Variants in USP28 observed in about 807,000 individuals in gnomAD.
The protein encoded by USP28 is ubiquitin specific peptidase 28, also known as ubiquitin carboxyl-terminal hydrolase 28.
In USP28, 113 loss-of-function variants were observed where a neutral mutation model predicts 145.0. The observed-to-expected ratio is 0.78, with a 90% confidence interval of 0.67 to 0.91. USP28 has a LOEUF of 0.91. Ranked by LOEUF, USP28 falls within the 40% of genes least tolerant of loss-of-function variation. USP28 has a pLI of 0.00. For missense variants in USP28, 1,201 were observed against 1,289.6 expected, an observed-to-expected ratio of 0.93 and a Z score of 1.05; for synonymous variants, 447 against 450.9, an observed-to-expected ratio of 0.99 and a Z score of 0.11.
intron 5 of USP28, among the ~76,000 whole-genome samples, chr11:113,837,758 G>A (rs1944732499): frequency 6.6e-6 from 1 of 152,148 alleles, no homozygotes; most frequent in Non-Finnish European, 1.5e-5. Context: ...CCATGTAAGA[G>A]GTTCAAAGTG....
At chr11:113,860,390 G>C (rs953919218) in intron 1 of USP28, among the ~76,000 whole-genome samples, 9 of 148,394 alleles carry the variant, frequency 6.1e-5, no homozygotes, top group Non-Finnish European at 1.3e-4. Context: ...TCCTTCCAAA[G>C]CTAAAGATCT....
At chr11:113,808,761 G>A (rs960645014) in intron 17 of USP28, among the ~76,000 whole-genome samples, 4 of 152,160 alleles carry the variant, frequency 2.6e-5, no homozygotes, top group African/African-American at 9.7e-5. Context: ...TTGGAGAATG[G>A]TTTTCATAAA....
At chr11:113,803,052 T>TACA in intron 23 of USP28, 106 bp downstream of exon 24, 2 of 1,296,600 alleles carry the variant, frequency 1.5e-6, no homozygotes, top group Non-Finnish European at 2.0e-6. Flanking sequence ...GGGGGAAATC[T>TACA]ACAACCTGTT....
At chr11:113,840,500 T>C (rs1945077953) in intron 5 of USP28, 98 bp downstream of exon 5, 1 of 1,424,162 alleles carries the variant, frequency 7.0e-7, no homozygotes, top group Non-Finnish European at 9.4e-7. Flanking sequence ...ATTTTAAATA[T>C]CTATTTTAAT....
chr11:113,850,143 A>T (rs560108096), intron 3 of USP28, among the ~76,000 whole-genome samples: 6 of 152,204 alleles, frequency 3.9e-5, no homozygotes, highest in Non-Finnish European at 1.5e-5. Flanking sequence ...GGTTACTCTC[A>T]AGCCCTGTTA....
chr11:113,824,836 C>A (rs1296411688), intron 11 of USP28, among the ~76,000 whole-genome samples: 1 of 150,074 alleles, frequency 6.7e-6, no homozygotes, highest in Non-Finnish European at 1.5e-5. Context: ...GAGGCTGAGG[C>A]AGGAGAATCA....
At chr11:113,833,375 T>C (rs1944229033) in intron 7 of USP28, 45 bp downstream of exon 7, 1 of 1,600,538 alleles carries the variant, frequency 6.2e-7, no homozygotes, top group South Asian at 1.1e-5. Flanking sequence ...GCATTAACAC[T>C]GACAAGGCAT....
chr11:113,875,468 C>T, exon 1 of USP28: 1 of 1,236,694 alleles, frequency 8.1e-7, no homozygotes, highest in Non-Finnish European at 1.0e-6. Context: ...TCTGCCGCGC[C>T]GGCCGCGTCG....
At chr11:113,843,910 G>A (rs547707817) in intron 3 of USP28, among the ~76,000 whole-genome samples, 6 of 152,036 alleles carry the variant, frequency 3.9e-5, no homozygotes, top group Non-Finnish European at 7.4e-5. Flanking sequence ...TGTGACAACT[G>A]AACACCACAT....
chr11:113,862,605 G>C (rs555292953), intron 1 of USP28, among the ~76,000 whole-genome samples: 55 of 152,324 alleles, frequency 3.6e-4, no homozygotes, highest in African/African-American at 1.3e-3. Flanking sequence ...ACTGTGACGA[G>C]AGAGGCAGGA....
At chr11:113,806,608 C>CA in intron 18 of USP28, 24 bp from the exon 20 acceptor site, 1 of 1,494,114 alleles carries the variant, frequency 6.7e-7, no homozygotes. Context: ...GCACAAAACA[C>CA]AGAGAGAAAG....
chr11:113,858,368 T>C (rs1314235147), intron 1 of USP28, among the ~76,000 whole-genome samples: 3 of 152,204 alleles, frequency 2.0e-5, no homozygotes, highest in Admixed American at 6.5e-5. Context: ...CTCTCATGCA[T>C]AGACTGTTGC....
chr11:113,830,555 A>G (rs906478556), intron 9 of USP28, among the ~76,000 whole-genome samples: 8 of 152,240 alleles, frequency 5.3e-5, no homozygotes, highest in African/African-American at 1.4e-4. Flanking sequence ...ATTAAGTATT[A>G]TATTAGAATA....
chr11:113,807,032 G>A (rs557834192), intron 18 of USP28, among the ~76,000 whole-genome samples: 17 of 151,700 alleles, frequency 1.1e-4, no homozygotes, highest in South Asian at 2.1e-4. Context: ...GGAAACTAGC[G>A]ACTATACAAA....
intron 1 of USP28, among the ~76,000 whole-genome samples, chr11:113,871,047 G>C (rs939174420): frequency 2.0e-5 from 3 of 152,240 alleles, no homozygotes; most frequent in Non-Finnish European, 4.4e-5. Flanking sequence ...TCAAAAGGCA[G>C]AAACTGATTG....
chr11:113,800,010 C>CT lies in USP28; in HGVS notation c.3059-596dup, dbSNP rs1169415080. On this transcript the variant is annotated intron_variant, in intron 24 of 24. Transcript: ENST00000003302. ...ACACTTGAACAAGTCAATGGAATATCTTTTTTTTTTTTTGAGACGGAGTCT... is the reference window on the plus strand; with the variant it reads ...ACACTTGAACAAGTCAATGGAATATCTTTTTTTTTTTTTTGAGACGGAGTCT... Among the ~76,000 whole-genome samples, 435 of 146,528 alleles carry CT rather than the reference C, an allele frequency of 3.0e-3. 1 individual carries two copies. The highest frequency in any genetic ancestry group is 4.0e-3 in the Admixed American group (58 of 14,612).
At chr11:113,860,442 C>CAAAAAAAAAAAAAAA (rs4020501) in intron 1 of USP28, among the ~76,000 whole-genome samples, 1 of 134,624 alleles carries the variant, frequency 7.4e-6, no homozygotes, top group Non-Finnish European at 1.6e-5. Flanking sequence ...CCAAGGGAAG[C>CAAAAAAAAAAAAAAA]AAAAAAAAAA....
chr11:113,864,783 A>G lies in USP28; in HGVS notation c.58-10448T>C, dbSNP rs140685781. Among the ~76,000 whole-genome samples the G allele has an allele frequency of 4.4e-3, 674 of 152,316 alleles. 7 individuals carry two copies. The highest frequency in any genetic ancestry group is 0.015 in the African/African-American group (630 of 41,556). On this transcript the variant is annotated intron_variant, in intron 1 of 24. Transcript: ENST00000003302. ...AATCACGCTCACAGACACACCTAGA[A>G]TAATGTTTGACCAAATGTCTGCATA... is the stretch of plus-strand genomic sequence containing the variant.
intron 19 of USP28, 71 bp downstream of exon 20, chr11:113,806,418 T>C (rs1191584559): frequency 7.4e-6 from 10 of 1,359,580 alleles, no homozygotes; most frequent in Non-Finnish European, 1.0e-5. Flanking sequence ...TTTTTTCCCT[T>C]CTTATAGAAT....
Sources: allele counts gnomAD v4.1 joint callset (sites outside exome capture counted in the v4.1 genomes callset), GRCh38; gene constraint gnomAD v4.1.1; transcripts MANE v1.5; gene names NCBI Gene and HGNC (gene_info 2026-07-23, HGNC 2026-07-21).